The following SLC5A8 variants were observed in gnomAD, a reference collection of about 807,000 sequenced individuals.
SLC5A8 encodes sodium-coupled monocarboxylate transporter 1.
A neutral mutation model predicts 71.9 loss-of-function variants in SLC5A8; 55 were observed. The observed-to-expected ratio is 0.77, with a 90% confidence interval of 0.62 to 0.96. The LOEUF is 0.96. SLC5A8 is among the 40% of genes least tolerant of loss of function. The pLI is 0.00. For synonymous variants in SLC5A8, 307 were observed against 276.1 expected, an observed-to-expected ratio of 1.11 and a Z score of -1.11; for missense variants, 701 against 745.3, an observed-to-expected ratio of 0.94 and a Z score of 0.69.
At chr12:101,200,011 A>C (rs1312434724) in intron 3 of SLC5A8, among the ~76,000 whole-genome samples, 1 of 38,126 alleles carries the variant, frequency 2.6e-5, no homozygotes, top group Non-Finnish European at 6.0e-5. Flanking sequence ...ACTACCAGCA[A>C]AAAAAAAAAA....
Position 101,209,669 on chromosome 12 carries a change from G to A in SLC5A8, c.180C>T (p.Ser60=). 2.5e-6 allele frequency: 4 copies of A among 1,613,836 alleles called. No individual in the cohort carries two copies. The highest frequency in any genetic ancestry group is 1.7e-6 in the Non-Finnish European group (2 of 1,180,036). The change falls in exon 1 of 15, where the codon TCC becomes TCT. Residue 60 remains serine (S), a synonymous_variant. Transcript: ENST00000536262. ...CGGCTGACATGAAGCTAGCGGTGAG[G>A]GACAGCGCCACGGGCACTGCGGTCA... ...RRMTAVPVAL[S]LTASFMSAVT...
intron 10 of SLC5A8, among the ~76,000 whole-genome samples, chr12:101,174,134 T>TC (rs2051857888): frequency 6.6e-6 from 1 of 152,152 alleles, no homozygotes; most frequent in East Asian, 1.9e-4. Flanking sequence ...TCAGAACCAG[T>TC]CCCCAGTCAC....
At position 101,204,572 on chromosome 12, in the gene SLC5A8, CAAA is replaced by C; in HGVS notation, c.352-10_352-8del. The stretch of plus-strand genomic sequence containing the variant: ...TAAATCGAAGTTCTAAATACTGTTG[CAAA>C]AAAAAAAATTATGCGAATCCTCTGG... On this transcript the variant is annotated splice_polypyrimidine_tract_variant and splice_region_variant and intron_variant, in intron 1 of 14. Coordinates refer to ENST00000536262, the MANE Select transcript of SLC5A8 (RefSeq NM_145913.5). The C allele has an allele frequency of 2.4e-6, 3 of 1,270,644 alleles. No homozygotes were observed. The highest frequency in any genetic ancestry group is 3.2e-6 in the Non-Finnish European group (3 of 941,426). The allele number at this position is 1,270,644 out of a possible 1,614,324, so 78.7% of individuals were successfully genotyped here.
rs2051725909 is a variant in SLC5A8 at position 101,161,860 on chromosome 12, A to T, written c.1630+114T>A. The T allele has an allele frequency of 1.9e-5, 15 of 771,560 alleles. No individual in the cohort carries two copies. In the South Asian group the frequency reaches 2.6e-4, roughly 14 times the overall value. 47.8% of individuals were successfully genotyped at this position (771,560 alleles called of 1,614,324 possible). A position where few individuals can be genotyped will look rare whatever the true frequency, so the allele number is the denominator to read the frequency against. ...TTCCCATGAGTAAAACAGAAGAAAT[A>T]ATTAAACTAGTTGGCAATAGGATCA... On this transcript the variant is annotated intron_variant, in intron 13 of 14. Coordinates refer to ENST00000536262, the MANE Select transcript of SLC5A8 (RefSeq NM_145913.5).
intron 9 of SLC5A8, among the ~76,000 whole-genome samples, chr12:101,181,373 C>A (rs1237722313): frequency 3.3e-5 from 5 of 152,160 alleles, no homozygotes; most frequent in Admixed American, 6.5e-5. Flanking sequence ...ACATTCAAAT[C>A]ATCTGCCACA....
At chr12:101,178,001 T>G (rs1231491896) in intron 10 of SLC5A8, among the ~76,000 whole-genome samples, 1 of 152,066 alleles carries the variant, frequency 6.6e-6, no homozygotes, top group African/African-American at 2.4e-5. Context: ...CAAAACAAAC[T>G]AAACCATAAA....
intron 3 of SLC5A8, among the ~76,000 whole-genome samples, chr12:101,200,021 A>T (rs2064260905): frequency 1.1e-5 from 1 of 87,924 alleles, no homozygotes; most frequent in Non-Finnish European, 2.3e-5. Context: ...AAAAAAAAAA[A>T]AAAAAAAAAA....
intron 10 of SLC5A8, among the ~76,000 whole-genome samples, chr12:101,174,646 A>G (rs1450553534): frequency 6.6e-6 from 1 of 152,184 alleles, no homozygotes; most frequent in African/African-American, 2.4e-5. Context: ...GTAAATTCCT[A>G]CATGACATGT....
chr12:101,192,245 G>C (rs956726611), intron 5 of SLC5A8, among the ~76,000 whole-genome samples: 1 of 152,194 alleles, frequency 6.6e-6, no homozygotes, highest in Non-Finnish European at 1.5e-5. Flanking sequence ...TCTGAATCTT[G>C]AGCTAAAAGA....
At position 101,209,809 on chromosome 12, in the gene SLC5A8, C is replaced by T; in HGVS notation, c.40G>A (p.Asp14Asn). 1 of 1,591,826 alleles carries T rather than the reference C, an allele frequency of 6.3e-7. No individual in the cohort carries two copies. Residue 14 changes from aspartate (D) to asparagine (N), a missense_variant, in exon 1 of 15, where the codon GAC becomes AAC. Asp to Asn is a conservative substitution (Grantham distance 23, BLOSUM62 1). Transcript: ENST00000536262. ...AGCATGCCCGCGAACACCACGTAGT[C>T]CCACACCACGAAGGTGCCGATGCCC... ...PRGIGTFVVWDYVVFAGMLVI... is the reference protein window; with the variant it reads ...PRGIGTFVVWNYVVFAGMLVI...
chr12:101,167,868 T>C (rs2051787818), intron 11 of SLC5A8, among the ~76,000 whole-genome samples: 1 of 152,200 alleles, frequency 6.6e-6, no homozygotes, highest in South Asian at 2.1e-4. Flanking sequence ...ATTATGAATA[T>C]TTAAAATTGC....
chr12:101,182,581 A>T (rs1868413906), intron 9 of SLC5A8, among the ~76,000 whole-genome samples: 1 of 152,228 alleles, frequency 6.6e-6, no homozygotes, highest in African/African-American at 2.4e-5. Flanking sequence ...TTCACTGACA[A>T]TTAATTGTTT....
At chr12:101,179,966 C>T in intron 10 of SLC5A8, 63 bp downstream of exon 10, 1 of 1,550,462 alleles carries the variant, frequency 6.4e-7, no homozygotes, top group Admixed American at 1.7e-5. Flanking sequence ...GAAGGATGGT[C>T]ACATCAACAT....
At chr12:101,204,126 C>T (rs1869573483) in intron 2 of SLC5A8, among the ~76,000 whole-genome samples, 1 of 152,220 alleles carries the variant, frequency 6.6e-6, no homozygotes, top group Non-Finnish European at 1.5e-5. Flanking sequence ...TGTGAACATG[C>T]TACTTGTTTT....
intron 2 of SLC5A8, 63 bp downstream of exon 2, chr12:101,204,437 C>T (rs890465472): frequency 7.2e-7 from 1 of 1,388,486 alleles, no homozygotes; most frequent in Admixed American, 2.1e-5. Flanking sequence ...TAAGCTTAAT[C>T]CAGATGCCAT....
chr12:101,179,863 C>G (rs951697172), intron 10 of SLC5A8, among the ~76,000 whole-genome samples, 166 bp downstream of exon 10: 4 of 152,058 alleles, frequency 2.6e-5, no homozygotes, highest in African/African-American at 7.2e-5. Flanking sequence ...ACAATTATCT[C>G]AAAACACAAA....
In SLC5A8 at chr12:101,158,343, G is replaced by A; in HGVS notation, c.1631-15C>T. 6.6e-7 allele frequency: 1 copy of A among 1,516,010 alleles called. No homozygotes were observed. Among genetic ancestry groups the A allele is most frequent in the Non-Finnish European group, 9.1e-7 (1 of 1,101,986 alleles). The allele number at this position is 1,516,010 out of a possible 1,614,324, so 93.9% of individuals were successfully genotyped here. A position where few individuals can be genotyped will look rare whatever the true frequency, so the allele number is the denominator to read the frequency against. On this transcript the variant is annotated splice_polypyrimidine_tract_variant and intron_variant, in intron 13 of 14. Transcript: ENST00000536262. ...TTTTCTTCCTCCTGGAAAAAAAAAT[G>A]TACATGACTTACGTTGTTAAAAAGG...
intron 1 of SLC5A8, among the ~76,000 whole-genome samples, chr12:101,204,965 C>A (rs149587726): frequency 6.6e-6 from 1 of 152,134 alleles, no homozygotes; most frequent in Non-Finnish European, 1.5e-5. Flanking sequence ...ATTTTTAGAG[C>A]GAGCAATCTG....
chr12:101,192,141 T>A (rs1215545950), intron 5 of SLC5A8, among the ~76,000 whole-genome samples: 1 of 152,166 alleles, frequency 6.6e-6, no homozygotes, highest in Non-Finnish European at 1.5e-5. Context: ...TTAAATAGTC[T>A]CAATTGACGA....
Sources: allele counts gnomAD v4.1 joint callset (sites outside exome capture counted in the v4.1 genomes callset), GRCh38; gene constraint gnomAD v4.1.1; transcripts MANE v1.5; gene names NCBI Gene and HGNC (gene_info 2026-07-23, HGNC 2026-07-21).